The following TTLL7 variants were observed in gnomAD, a reference collection of about 807,000 sequenced individuals.
The protein encoded by TTLL7 is tubulin tyrosine ligase like 7, also known as tubulin polyglutamylase TTLL7.
Under a neutral mutation model 120.2 loss-of-function variants are expected in TTLL7, and 53 were observed. That is an observed-to-expected ratio of 0.44 (90% CI 0.35 to 0.55). The LOEUF is 0.55. Among genes scored for constraint, TTLL7 ranks in the 20% least tolerant of loss-of-function variants. The pLI, the probability that TTLL7 is intolerant of heterozygous loss-of-function variation, is 0.00. For synonymous variants in TTLL7, 353 were observed against 351.7 expected, an observed-to-expected ratio of 1.00 and a Z score of -0.04; for missense variants, 803 against 1,054.7, an observed-to-expected ratio of 0.76 and a Z score of 3.31.
chr1:83,933,798 C>T (rs1659796272), intron 8 of TTLL7, 32 bp from the exon 9 acceptor site: 1 of 1,584,828 alleles, frequency 6.3e-7, no homozygotes, highest in Non-Finnish European at 8.6e-7. Context: ...AGTGAAAATG[C>T]CTTTGTATCT....
chr1:83,962,360 C>T (rs1650086981), intron 1 of TTLL7, among the ~76,000 whole-genome samples: 2 of 152,084 alleles, frequency 1.3e-5, no homozygotes, highest in South Asian at 2.1e-4. Flanking sequence ...TACTTTGACA[C>T]TTTTTCAATG....
intron 12 of TTLL7, 109 bp from the exon 13 acceptor site, chr1:83,919,943 T>TG: frequency 5.1e-6 from 5 of 982,566 alleles, no homozygotes; most frequent in Non-Finnish European, 7.5e-6. Context: ...ACCAGTCACA[T>TG]TGCCAGGTAT....
chr1:83,902,407 C>A (rs531238764), intron 18 of TTLL7, among the ~76,000 whole-genome samples: 1 of 151,916 alleles, frequency 6.6e-6, no homozygotes, highest in East Asian at 1.9e-4. Context: ...AAGTTTTACT[C>A]CCCACCACCC....
In TTLL7 at chr1:83,869,825, G is replaced by A; in HGVS notation, c.*137C>T. ...AAATATATGTTATTAGGGTGCATAT[G>A]TGCATATATTTTCACACATATATAT... is the stretch of plus-strand genomic sequence containing the variant. On this transcript the variant is annotated 3_prime_UTR_variant, in exon 21 of 21. Transcript: ENST00000260505. The A allele has an allele frequency of 1.3e-6, 1 of 757,314 alleles. No individual in the cohort carries two copies. Among genetic ancestry groups the A allele is most frequent in the East Asian group, 3.4e-5 (1 of 29,030 alleles). 46.9% of individuals were successfully genotyped at this position (757,314 alleles called of 1,614,324 possible). A position where few individuals can be genotyped will look rare whatever the true frequency, so the allele number is the denominator to read the frequency against.
intron 6 of TTLL7, 137 bp downstream of exon 6, chr1:83,946,987 C>T (rs1648567621): frequency 1.6e-6 from 1 of 634,030 alleles, no homozygotes; most frequent in Non-Finnish European, 2.4e-6. Context: ...ATATTTGGTT[C>T]CAAAACTACA....
intron 1 of TTLL7, among the ~76,000 whole-genome samples, chr1:83,953,223 C>A (rs1412484353): frequency 6.6e-6 from 1 of 152,124 alleles, no homozygotes; most frequent in African/African-American, 2.4e-5. Context: ...AATATATGAA[C>A]GTAGGCATTT....
chr1:83,868,485 A>ACTTCGTT lies in TTLL7; in HGVS notation c.*1470_*1476dup. 6.6e-6 allele frequency: 1 copy of ACTTCGTT among 152,266 alleles called. No homozygotes were observed. The highest frequency in any genetic ancestry group is 6.5e-5 in the Admixed American group (1 of 15,294). The allele number at this position is 152,266 out of a possible 1,614,324, so 9.4% of individuals were successfully genotyped here. ...ATGCATAACAACTTTGGACAAGAAC[A>ACTTCGTT]CTTCGTTCTCTGTTTTGATTTTTTA... is the stretch of plus-strand genomic sequence containing the variant. On this transcript the variant is annotated 3_prime_UTR_variant, in exon 21 of 21. Coordinates refer to ENST00000260505, the MANE Select transcript of TTLL7 (RefSeq NM_024686.6).
intron 1 of TTLL7, among the ~76,000 whole-genome samples, chr1:83,973,706 A>G (rs1293928426): frequency 6.6e-6 from 1 of 152,094 alleles, no homozygotes; most frequent in Admixed American, 6.6e-5. Flanking sequence ...AACTTGGAAT[A>G]TATCTCCATT....
Position 83,952,196 on chromosome 1 carries a change from G to C in TTLL7, c.16C>G (p.Gln6Glu), listed in dbSNP as rs149508045. MPSLP[Q>E]EGVIQGPSPL... ...AAGTCAATTTCCCTACCTCCTTCTT[G>C]AGGCAGAGATGGCATTATTGCCTGT... Residue 6 changes from glutamine to glutamate, a missense_variant, in exon 2 of 21, where the codon CAA (glutamine) becomes GAA (glutamate). This residue lies in a region of TTLL7 where 91 missense variants were observed against 96.6 expected (regional missense o/e 0.94). Coordinates refer to ENST00000260505, the MANE Select transcript of TTLL7 (RefSeq NM_024686.6). 563 of 1,613,840 alleles carry C rather than the reference G, an allele frequency of 3.5e-4. 1 individual carries two copies. Among genetic ancestry groups the C allele is most frequent in the Middle Eastern group, 6.6e-4 (4 of 6,062 alleles).
intron 16 of TTLL7, 117 bp downstream of exon 16, chr1:83,907,339 G>T: frequency 1.2e-6 from 1 of 868,914 alleles, no homozygotes; most frequent in Non-Finnish European, 1.8e-6. Flanking sequence ...ATTTCAAGAG[G>T]TCATGAGTTG....
chr1:83,912,834 C>T (rs1027695562), intron 14 of TTLL7: 1 of 152,116 alleles, frequency 6.6e-6, no homozygotes, highest in African/African-American at 2.4e-5. Context: ...AAGAGATATG[C>T]ATAAAAACAT....
intron 6 of TTLL7, among the ~76,000 whole-genome samples, chr1:83,943,720 G>A (rs1001588941): frequency 6.6e-5 from 10 of 152,048 alleles, no homozygotes; most frequent in South Asian, 2.1e-4. Context: ...GAAAATGTTC[G>A]GATTTCAACA....
At chr1:83,939,140 A>G (rs976889571) in intron 7 of TTLL7, among the ~76,000 whole-genome samples, 2 of 152,226 alleles carry the variant, frequency 1.3e-5, no homozygotes, top group African/African-American at 4.8e-5. Flanking sequence ...AACAAAATAA[A>G]CAACAGTCTC....
At chr1:83,996,705 T>C (rs1299769157) in intron 1 of TTLL7, among the ~76,000 whole-genome samples, 1 of 152,184 alleles carries the variant, frequency 6.6e-6, no homozygotes, top group Non-Finnish European at 1.5e-5. Context: ...GTGGGGAATT[T>C]AGATGGTTTG....
intron 18 of TTLL7, among the ~76,000 whole-genome samples, chr1:83,901,044 T>G (rs974380643): frequency 3.9e-5 from 6 of 151,980 alleles, no homozygotes; most frequent in African/African-American, 1.4e-4. Context: ...TTTGTCAACA[T>G]TTATAGGCAA....
chr1:83,892,951 A>AAAG lies in TTLL7; in HGVS notation c.2209-2471_2209-2470insCTT, dbSNP rs1491379703. On this transcript the variant is annotated intron_variant, in intron 18 of 20. Coordinates refer to ENST00000260505, the MANE Select transcript of TTLL7 (RefSeq NM_024686.6). ...AAGAGAAAGAAAGAAAGAAAGAAAG[A>AAAG]AAAGAATAAAAGAAAGAAAGAGAAA... is the stretch of plus-strand genomic sequence containing the variant. Among the ~76,000 whole-genome samples, 251 of 84,974 alleles carry AAAG rather than the reference A, an allele frequency of 3.0e-3. 7 individuals carry two copies. The highest frequency in any genetic ancestry group is 0.024 in the African/African-American group (208 of 8,598). The allele number at this position is 84,974 out of a possible 152,430, so 55.7% of individuals were successfully genotyped here.
intron 1 of TTLL7, among the ~76,000 whole-genome samples, chr1:83,998,253 C>T (rs1036296120): frequency 5.3e-5 from 8 of 152,106 alleles, no homozygotes; most frequent in African/African-American, 1.7e-4. Flanking sequence ...TAATAAAATA[C>T]GATATATAAA....
At chr1:83,907,295 C>CT (rs945521950) in intron 16 of TTLL7, among the ~76,000 whole-genome samples, 161 bp downstream of exon 16, 2 of 126,852 alleles carry the variant, frequency 1.6e-5, no homozygotes, top group Non-Finnish European at 3.8e-5. Flanking sequence ...AAGAGTCATA[C>CT]TAAATTGTAG....
At chr1:83,938,568 T>C (rs1419728829) in intron 7 of TTLL7, among the ~76,000 whole-genome samples, 1 of 152,152 alleles carries the variant, frequency 6.6e-6, no homozygotes, top group Non-Finnish European at 1.5e-5. Flanking sequence ...ACAGTGCACT[T>C]AGAGTCAGCA....
Sources: gnomAD v4.1 joint callset for allele counts (sites outside exome capture counted in the v4.1 genomes callset) on GRCh38, gnomAD v4.1.1 for gene constraint, gnomAD v4.1.1 regional missense constraint, MANE v1.5 for transcripts, NCBI Gene and HGNC (gene_info 2026-07-23, HGNC 2026-07-21) for gene names.